RORA: variants seen among roughly 807,000 people sequenced by gnomAD.
The protein encoded by RORA is nuclear receptor ROR-alpha.
A neutral mutation model predicts 69.5 loss-of-function variants in RORA; 7 were observed. The ratio of observed to expected loss-of-function variants is 0.10; its 90% CI spans 0.06 to 0.19. The LOEUF (loss-of-function observed/expected upper bound fraction) is 0.19, where lower values mean the gene tolerates loss of function less well. Among genes scored for constraint, RORA ranks in the 10% least tolerant of loss-of-function variants. The pLI is 1.00. For missense variants in RORA, 457 were observed against 663.0 expected (o/e 0.69, Z 3.41); for synonymous variants, 261 against 240.8 (o/e 1.08, Z -0.78).
chr15:60,645,130 C>T (rs893013248), intron 2 of RORA, among the ~76,000 whole-genome samples: 1 of 151,964 alleles, frequency 6.6e-6, no homozygotes, highest in African/African-American at 2.4e-5. Flanking sequence ...AAGGAACTGT[C>T]CCGGTTTACA....
intron 1 of RORA, among the ~76,000 whole-genome samples, chr15:60,881,548 C>T (rs939205035): frequency 2.8e-4 from 42 of 152,186 alleles, no homozygotes; most frequent in Non-Finnish European, 2.2e-4. Flanking sequence ...CCCAAAATGG[C>T]CACTCTGTCA....
At chr15:60,602,880 GAC>G (rs2068851778) in intron 2 of RORA, among the ~76,000 whole-genome samples, 2 of 152,190 alleles carry the variant, frequency 1.3e-5, no homozygotes, top group South Asian at 4.1e-4. Context: ...TAAATTAAAA[GAC>G]ACAGAACAGT....
At position 60,831,418 on chromosome 15, in the gene RORA, T is replaced by C. The variant is rs377659167; in HGVS notation, c.167-152732A>G. On this transcript the variant is annotated intron_variant, in intron 1 of 10. Transcript: ENST00000335670. ...CTTGAGAGTGGATACTACCTCCTAA[T>C]AGCAAAGGACACACAACAGACATCT... Among the ~76,000 whole-genome samples the C allele has an allele frequency of 1.5e-3, 229 of 152,178 alleles. 1 individual carries two copies. Among genetic ancestry groups the C allele is most frequent in the Middle Eastern group, 6.8e-3 (2 of 294 alleles).
intron 4 of RORA, among the ~76,000 whole-genome samples, chr15:60,514,347 C>A (rs558399384): frequency 6.6e-6 from 1 of 152,188 alleles, no homozygotes; most frequent in East Asian, 1.9e-4. Flanking sequence ...GCTGAAATAT[C>A]AAAAATCTGA....
At chr15:60,883,149 A>AGG (rs2073708164) in intron 1 of RORA, among the ~76,000 whole-genome samples, 1 of 34,110 alleles carries the variant, frequency 2.9e-5, no homozygotes, top group Admixed American at 3.1e-4. Context: ...AAAAAAAAAA[A>AGG]AAGAAAGAGA....
chr15:61,187,718 C>A (rs2079758049), intron 1 of RORA, among the ~76,000 whole-genome samples: 1 of 152,168 alleles, frequency 6.6e-6, no homozygotes, highest in Non-Finnish European at 1.5e-5. Context: ...ATATGTTTAT[C>A]ACCACAGGCA....
At chr15:60,505,475 C>G (rs374195269) in intron 6 of RORA, 33 bp downstream of exon 6, 6 of 1,611,680 alleles carry the variant, frequency 3.7e-6, no homozygotes, top group Non-Finnish European at 4.2e-6. Flanking sequence ...AATATTGCCT[C>G]AATCCTAGGA....
chr15:60,837,056 G>C (rs1486972035), intron 1 of RORA, among the ~76,000 whole-genome samples: 3 of 132,698 alleles, frequency 2.3e-5, no homozygotes, highest in Non-Finnish European at 3.2e-5. Flanking sequence ...TTTTTTTGTA[G>C]ATATGGGGTC....
chr15:60,639,485 C>T (rs544361788), intron 2 of RORA, among the ~76,000 whole-genome samples: 252 of 152,174 alleles, frequency 1.7e-3, no homozygotes, highest in South Asian at 5.4e-3. Context: ...CTCCACGTCC[C>T]GGCTTCCAGT....
chr15:61,182,414 G>A (rs906504836), intron 1 of RORA, among the ~76,000 whole-genome samples: 1 of 152,130 alleles, frequency 6.6e-6, no homozygotes, highest in African/African-American at 2.4e-5. Context: ...TGCTAGCCCT[G>A]AGCACCATTT....
chr15:61,094,425 T>C (rs890428153), intron 1 of RORA, among the ~76,000 whole-genome samples: 2 of 152,160 alleles, frequency 1.3e-5, no homozygotes, highest in Non-Finnish European at 2.9e-5. Flanking sequence ...ATCTCAGCTG[T>C]TGCTGTCTGG....
chr15:60,883,130 C>CAAAAA (rs60074751), intron 1 of RORA, among the ~76,000 whole-genome samples: 57 of 43,114 alleles, frequency 1.3e-3, no homozygotes, highest in African/African-American at 5.1e-3. Flanking sequence ...GACATCGTCT[C>CAAAAA]AAAAAAAAAA....
intron 1 of RORA, among the ~76,000 whole-genome samples, chr15:60,930,186 T>C (rs1424763153): frequency 6.6e-6 from 1 of 152,190 alleles, no homozygotes; most frequent in East Asian, 1.9e-4. Context: ...CCCATCATTC[T>C]GCATAGTAGA....
intron 1 of RORA, among the ~76,000 whole-genome samples, chr15:60,683,153 G>A (rs1313474794): frequency 6.6e-6 from 1 of 152,138 alleles, no homozygotes; most frequent in African/African-American, 2.4e-5. Flanking sequence ...TGGAACTACA[G>A]GCATGTGGCA....
chr15:60,570,565 G>A (rs545961914), intron 2 of RORA, among the ~76,000 whole-genome samples: 1 of 152,154 alleles, frequency 6.6e-6, no homozygotes, highest in South Asian at 2.1e-4. Context: ...GCCCATGATG[G>A]TCTTGAACTC....
At chr15:60,974,275 G>C (rs1206258810) in intron 1 of RORA, among the ~76,000 whole-genome samples, 2 of 152,106 alleles carry the variant, frequency 1.3e-5, no homozygotes, top group African/African-American at 4.8e-5. Flanking sequence ...TTTGATGAAG[G>C]GAGCTGTCAT....
At chr15:60,762,310 T>C (rs1455038142) in intron 1 of RORA, among the ~76,000 whole-genome samples, 1 of 152,226 alleles carries the variant, frequency 6.6e-6, no homozygotes, top group Non-Finnish European at 1.5e-5. Flanking sequence ...CTTGAATTTA[T>C]TAAAAACTTC....
chr15:61,225,827 C>T lies in RORA; in HGVS notation c.166+3226G>A, dbSNP rs2080140618. Among the ~76,000 whole-genome samples the T allele has an allele frequency of 2.0e-5, 3 of 152,190 alleles. No individual in the cohort carries two copies. In the South Asian group the frequency reaches 6.2e-4, roughly 32 times the overall value. ...TGAAAGCCTTGTTAAATTAAAGATT[C>T]GCTGTGGTTTTTTTTCCGCTTCATT... is the stretch of plus-strand genomic sequence containing the variant. On this transcript the variant is annotated intron_variant, in intron 1 of 10. Transcript: ENST00000335670.
intron 1 of RORA, among the ~76,000 whole-genome samples, chr15:60,769,219 T>C (rs2072035450): frequency 1.3e-5 from 2 of 152,184 alleles, no homozygotes; most frequent in Non-Finnish European, 2.9e-5. Flanking sequence ...AAAATAATCT[T>C]TAATTGAGTT....
Sources: allele counts gnomAD v4.1 joint callset (sites outside exome capture counted in the v4.1 genomes callset), GRCh38; gene constraint gnomAD v4.1.1; transcripts MANE v1.5; gene names NCBI Gene and HGNC (gene_info 2026-07-23, HGNC 2026-07-21).